GLIS3: variants seen among roughly 807,000 people sequenced by gnomAD.
GLIS3 encodes the protein GLIS family zinc finger 3, also known as zinc finger protein GLIS3.
Under a neutral mutation model 78.6 loss-of-function variants are expected in GLIS3, and 53 were observed. The ratio of observed to expected loss-of-function variants is 0.67; its 90% confidence interval spans 0.54 to 0.85. GLIS3 has a LOEUF of 0.85. Ranked by LOEUF, GLIS3 falls within the 40% of genes least tolerant of loss-of-function variation. GLIS3 has a pLI of 0.00. For synonymous variants in GLIS3, 684 were observed against 509.9 expected (o/e 1.34, Z -4.60); for missense variants, 1,703 against 1,231.1 (o/e 1.38, Z -5.74).
chr9:4,214,463 T>C (rs1820647909), intron 2 of GLIS3, among the ~76,000 whole-genome samples: 1 of 152,308 alleles, frequency 6.6e-6, no homozygotes, highest in South Asian at 2.1e-4. Context: ...TCACCCCACA[T>C]TGACTGAGAA....
the GLIS3 span, among the ~76,000 whole-genome samples, chr9:4,457,512 G>A: frequency 3.9e-5 from 6 of 151,980 alleles, no homozygotes; most frequent in African/African-American, 1.5e-4. Flanking sequence ...GGTGGGTTTG[G>A]ACACATACAT....
chr9:4,156,592 T>C (rs950806858), intron 2 of GLIS3, among the ~76,000 whole-genome samples: 1 of 152,186 alleles, frequency 6.6e-6, no homozygotes, highest in Non-Finnish European at 1.5e-5. Flanking sequence ...AAATTTTATA[T>C]TTCCCAAAAC....
At position 4,104,634 on chromosome 9, in the gene GLIS3, C is replaced by T. The variant is rs572293000; in HGVS notation, c.1710+13134G>A. Among the ~76,000 whole-genome samples the T allele has an allele frequency of 2.0e-5, 3 of 152,278 alleles. No homozygotes were observed. In the East Asian group the frequency reaches 5.8e-4, roughly 29 times the overall value. ...GTCCTAAACAATCTAGCCCCCATTTCTCCATCACAGTCTCTTCTCTTCTTC... is the reference window on the plus strand; with the variant it reads ...GTCCTAAACAATCTAGCCCCCATTTTTCCATCACAGTCTCTTCTCTTCTTC... On this transcript the variant is annotated intron_variant, in intron 4 of 10. Coordinates refer to ENST00000381971, the MANE Select transcript of GLIS3 (RefSeq NM_001042413.2).
intron 5 of GLIS3, among the ~76,000 whole-genome samples, chr9:3,936,355 A>C (rs1245368162): frequency 6.6e-6 from 1 of 152,264 alleles, no homozygotes; most frequent in Non-Finnish European, 1.5e-5. Flanking sequence ...GGGAATGAGC[A>C]AAATGTTGTA....
the GLIS3 span, among the ~76,000 whole-genome samples, chr9:4,439,383 C>A: frequency 6.6e-6 from 1 of 152,198 alleles, no homozygotes; most frequent in South Asian, 2.1e-4. Context: ...ATAAACTCCA[C>A]AACCATTAGC....
intron 2 of GLIS3, among the ~76,000 whole-genome samples, chr9:4,226,357 T>A (rs1007126257): frequency 6.6e-6 from 1 of 152,148 alleles, no homozygotes. Flanking sequence ...AACTTCATAC[T>A]CAGTATTTCG....
intron 2 of GLIS3, among the ~76,000 whole-genome samples, chr9:4,314,446 G>A (rs1817409777): frequency 6.6e-6 from 1 of 152,314 alleles, no homozygotes; most frequent in Non-Finnish European, 1.5e-5. Flanking sequence ...GTTTGCATGT[G>A]CATATACAAT....
chr9:4,187,733 T>C (rs1385268318), intron 2 of GLIS3, among the ~76,000 whole-genome samples: 1 of 152,198 alleles, frequency 6.6e-6, no homozygotes, highest in Non-Finnish European at 1.5e-5. Flanking sequence ...GTTGGATTCC[T>C]AGGTATTTTA....
upstream of GLIS3, among the ~76,000 whole-genome samples, chr9:4,350,054 A>T (rs920490144): frequency 6.6e-6 from 1 of 152,236 alleles, no homozygotes; most frequent in South Asian, 2.1e-4. Context: ...AAACTGAGAG[A>T]GTCAGATTGC....
chr9:4,173,335 T>C (rs772185892), intron 2 of GLIS3, among the ~76,000 whole-genome samples: 4 of 152,092 alleles, frequency 2.6e-5, no homozygotes, highest in Admixed American at 6.5e-5. Flanking sequence ...GGCAAATATG[T>C]TTTCTCCTTT....
chr9:4,166,066 G>T (rs1564141120), intron 2 of GLIS3, among the ~76,000 whole-genome samples: 2 of 152,166 alleles, frequency 1.3e-5, no homozygotes, highest in Non-Finnish European at 2.9e-5. Context: ...TATTAGACTT[G>T]GAACCTCAGG....
chr9:3,875,276 A>C (rs922875563), intron 8 of GLIS3, among the ~76,000 whole-genome samples: 5 of 152,330 alleles, frequency 3.3e-5, no homozygotes, highest in African/African-American at 1.2e-4. Context: ...CACTGAAATA[A>C]TGTGTCATTC....
chr9:4,391,477 C>T, the GLIS3 span, among the ~76,000 whole-genome samples: 2 of 152,018 alleles, frequency 1.3e-5, no homozygotes, highest in Non-Finnish European at 2.9e-5. Context: ...TGAAAAATCA[C>T]TCTGCCTGTG....
At chr9:3,950,724 A>C (rs574027868) in intron 4 of GLIS3, among the ~76,000 whole-genome samples, 1 of 152,368 alleles carries the variant, frequency 6.6e-6, no homozygotes, top group South Asian at 2.1e-4. Flanking sequence ...CTAGGACAGG[A>C]ACCAGGCTTG....
At chr9:4,354,904 C>G in the GLIS3 span, among the ~76,000 whole-genome samples, 1 of 152,094 alleles carries the variant, frequency 6.6e-6, no homozygotes, top group African/African-American at 2.4e-5. Context: ...ATCACTAGGT[C>G]AGGAGATCGA....
chr9:3,852,526 A>G (rs1040964590), intron 9 of GLIS3, among the ~76,000 whole-genome samples: 2 of 152,264 alleles, frequency 1.3e-5, no homozygotes, highest in Admixed American at 6.5e-5. Context: ...GGCATGATCA[A>G]TAAATGCAAC....
chr9:4,096,567 T>C (rs1829964988), intron 4 of GLIS3, among the ~76,000 whole-genome samples: 1 of 152,164 alleles, frequency 6.6e-6, no homozygotes, highest in Non-Finnish European at 1.5e-5. Context: ...TAAATTAAAA[T>C]TACATTTAAT....
At chr9:3,951,846 A>ACACACACC (rs1282119128) in intron 4 of GLIS3, among the ~76,000 whole-genome samples, 1 of 127,548 alleles carries the variant, frequency 7.8e-6, no homozygotes, top group East Asian at 2.1e-4. Flanking sequence ...GCATGAACAC[A>ACACACACC]CACACACACA....
At chr9:4,172,231 A>G (rs1326493392) in intron 2 of GLIS3, among the ~76,000 whole-genome samples, 2 of 152,156 alleles carry the variant, frequency 1.3e-5, no homozygotes, top group Non-Finnish European at 2.9e-5. Context: ...CTTTCTTACT[A>G]TCAGTGAGCT....
Sources: allele counts gnomAD v4.1 joint callset (sites outside exome capture counted in the v4.1 genomes callset), GRCh38; gene constraint gnomAD v4.1.1; transcripts MANE v1.5; gene names NCBI Gene and HGNC (gene_info 2026-07-23, HGNC 2026-07-21).